CFAP299: variants seen among roughly 807,000 people sequenced by gnomAD.
CFAP299 encodes the protein cilia and flagella associated protein 299, also known as cilia- and flagella-associated protein 299.
In CFAP299, 21 loss-of-function variants were observed where a neutral mutation model predicts 27.0. That is an observed-to-expected ratio of 0.78 (90% CI 0.55 to 1.12). The LOEUF is 1.12. CFAP299 is among the 50% of genes most tolerant of loss of function. CFAP299 has a pLI of 0.00. For missense variants in CFAP299, 310 were observed against 276.6 expected (o/e 1.12, Z -0.86); for synonymous variants, 104 against 98.1 (o/e 1.06, Z -0.36).
In CFAP299 at chr4:80,949,813, G is replaced by A. The variant is rs114456495; in HGVS notation, c.606+4874G>A. Among the ~76,000 whole-genome samples the A allele has an allele frequency of 2.3e-3, 350 of 152,216 alleles. 1 individual carries two copies. Among genetic ancestry groups the A allele is most frequent in the African/African-American group, 8.1e-3 (338 of 41,542 alleles). ...GACTGCAGGACTGAGGCAGATCTTGGACTGGACTCAATAGGAAATGGGGAA... is the reference window on the plus strand; with the variant it reads ...GACTGCAGGACTGAGGCAGATCTTGAACTGGACTCAATAGGAAATGGGGAA... On this transcript the variant is annotated intron_variant, in intron 5 of 5. Coordinates refer to ENST00000358105, the MANE Select transcript of CFAP299 (RefSeq NM_152770.3).
chr4:80,846,935 CCT>C (rs1476294021), intron 3 of CFAP299, among the ~76,000 whole-genome samples: 1 of 152,150 alleles, frequency 6.6e-6, no homozygotes, highest in African/African-American at 2.4e-5. Flanking sequence ...AAGATTGTCC[CCT>C]GTTCTCCTTA....
intron 3 of CFAP299, among the ~76,000 whole-genome samples, chr4:80,801,354 G>A (rs6858029): frequency 0.34 from 50,961 of 151,722 alleles, 10,333 homozygotes; most frequent in African/African-American, 0.56. Context: ...CAAATATAAT[G>A]ATGTATTAAT....
At chr4:80,778,089 G>GGTAT (rs1726656611) in intron 3 of CFAP299, among the ~76,000 whole-genome samples, 1 of 152,032 alleles carries the variant, frequency 6.6e-6, no homozygotes, top group African/African-American at 2.4e-5. Context: ...CTAAATCCCT[G>GGTAT]GTATTTCCTC....
intron 2 of CFAP299, among the ~76,000 whole-genome samples, chr4:80,538,751 T>A (rs2110196302): frequency 6.6e-6 from 1 of 152,320 alleles, no homozygotes; most frequent in Admixed American, 6.5e-5. Flanking sequence ...CCATCTAGGT[T>A]TGTATAAGTG....
intron 3 of CFAP299, among the ~76,000 whole-genome samples, chr4:80,673,936 T>C (rs1719211369): frequency 6.6e-6 from 1 of 151,932 alleles, no homozygotes; most frequent in Admixed American, 6.6e-5. Context: ...GGGATGGGTC[T>C]CCTGAATATA....
chr4:80,902,666 C>A (rs1734989431), intron 4 of CFAP299, among the ~76,000 whole-genome samples: 1 of 148,286 alleles, frequency 6.7e-6, no homozygotes, highest in East Asian at 2.0e-4. Context: ...ATATCATCAA[C>A]CTTTGGTAAA....
chr4:80,616,719 A>C (rs1009421413), intron 3 of CFAP299, among the ~76,000 whole-genome samples: 1 of 152,272 alleles, frequency 6.6e-6, no homozygotes, highest in East Asian at 1.9e-4. Context: ...TGGTCCCAAC[A>C]TACTAGCCAG....
At chr4:80,404,796 C>T (rs1726331906) in intron 2 of CFAP299, among the ~76,000 whole-genome samples, 1 of 152,078 alleles carries the variant, frequency 6.6e-6, no homozygotes, top group Non-Finnish European at 1.5e-5. Context: ...TGGATATATG[C>T]CTGTTAGTGG....
At chr4:80,469,885 G>A (rs1041811784) in intron 2 of CFAP299, among the ~76,000 whole-genome samples, 1 of 151,720 alleles carries the variant, frequency 6.6e-6, no homozygotes, top group African/African-American at 2.4e-5. Flanking sequence ...ATTACCTTAT[G>A]AGTCCTTAAA....
rs531068122 is a variant in CFAP299, at chr4:80,436,713, A to G, written c.242+73829A>G. ...AGCTATCTTGGAACAAGAGATAAAGATGATTTTGGGGGGAAAATAGAGAAA... is the reference window on the plus strand; with the variant it reads ...AGCTATCTTGGAACAAGAGATAAAGGTGATTTTGGGGGGAAAATAGAGAAA... On this transcript the variant is annotated intron_variant, in intron 2 of 5. Transcript: ENST00000358105. Among the ~76,000 whole-genome samples the G allele has an allele frequency of 2.5e-3, 383 of 152,298 alleles. 1 individual carries two copies. Among genetic ancestry groups the G allele is most frequent in the Admixed American group, 5.6e-3 (85 of 15,288 alleles).
chr4:80,724,334 C>A lies in CFAP299; in HGVS notation c.333+141151C>A, dbSNP rs149724205. Among the ~76,000 whole-genome samples the A allele has an allele frequency of 4.1e-3, 623 of 152,076 alleles. 1 individual carries two copies. The highest frequency in any genetic ancestry group is 6.8e-3 in the Middle Eastern group (2 of 294). On this transcript the variant is annotated intron_variant, in intron 3 of 5. Coordinates refer to ENST00000358105, the MANE Select transcript of CFAP299 (RefSeq NM_152770.3). ...GGATTTCTTCCAATTAACTTCCATA[C>A]AAAATTCAGTGTTTATTAAAGTTAA...
rs568245327 is a variant in CFAP299, at chr4:80,615,527, ATCTT to A, written c.333+32354_333+32357del. ...TTCACTCTAAGGTAGGCTTGCAGGC[ATCTT>A]TCTTTCTTTTTTTTTTTCAGAAGCA... On this transcript the variant is annotated intron_variant, in intron 3 of 5. Transcript: ENST00000358105. 1.9e-3 allele frequency among the ~76,000 whole-genome samples: 282 copies of A among 149,868 alleles called. 2 individuals are homozygous for A. Among genetic ancestry groups the A allele is most frequent in the African/African-American group, 6.3e-3 (256 of 40,772 alleles).
chr4:80,848,920 A>G (rs1427379436), intron 3 of CFAP299, among the ~76,000 whole-genome samples: 1 of 152,236 alleles, frequency 6.6e-6, no homozygotes, highest in African/African-American at 2.4e-5. Context: ...GTGAAGGCCT[A>G]GGACATTACT....
intron 2 of CFAP299, among the ~76,000 whole-genome samples, chr4:80,534,524 T>C (rs1733634962): frequency 6.6e-6 from 1 of 152,008 alleles, no homozygotes; most frequent in Admixed American, 6.5e-5. Context: ...TTGATAACTT[T>C]TTTAGAGCTG....
At chr4:80,443,882 C>T (rs546396630) in intron 2 of CFAP299, among the ~76,000 whole-genome samples, 2 of 152,232 alleles carry the variant, frequency 1.3e-5, no homozygotes, top group East Asian at 3.9e-4. Flanking sequence ...TACTACACAC[C>T]AGTAATAGAC....
chr4:80,633,254 C>G (rs1198082189), intron 3 of CFAP299, among the ~76,000 whole-genome samples: 3 of 152,118 alleles, frequency 2.0e-5, no homozygotes, highest in Non-Finnish European at 4.4e-5. Context: ...TGAGACCAGC[C>G]TGGCAAGCAT....
At chr4:80,774,179 C>T (rs1002638010) in intron 3 of CFAP299, among the ~76,000 whole-genome samples, 2 of 151,704 alleles carry the variant, frequency 1.3e-5, no homozygotes, top group African/African-American at 4.8e-5. Context: ...TAAAATAGGC[C>T]TGTGAATTTG....
At chr4:80,924,514 A>ATGTG (rs35374483) in intron 4 of CFAP299, among the ~76,000 whole-genome samples, 2,586 of 137,424 alleles carry the variant, frequency 0.019, 54 homozygotes, top group African/African-American at 0.053. Context: ...ACAATTCATT[A>ATGTG]TGTGTGTGTG....
intron 2 of CFAP299, among the ~76,000 whole-genome samples, chr4:80,531,823 G>A (rs1375427356): frequency 3.4e-5 from 5 of 145,264 alleles, no homozygotes; most frequent in East Asian, 4.0e-4. Flanking sequence ...GCACGATCTC[G>A]GCTCACTGCA....
Sources: gnomAD v4.1 joint callset for allele counts (sites outside exome capture counted in the v4.1 genomes callset) on GRCh38, gnomAD v4.1.1 for gene constraint, MANE v1.5 for transcripts, NCBI Gene and HGNC (gene_info 2026-07-23, HGNC 2026-07-21) for gene names.